DOCK3: variants seen among roughly 807,000 people sequenced by gnomAD.
DOCK3 encodes dedicator of cytokinesis 3.
DOCK3 carries 60 observed loss-of-function variants against 265.6 expected under a neutral mutation model. The observed-to-expected ratio is 0.23, with a 90% CI of 0.18 to 0.28. The LOEUF (loss-of-function observed/expected upper bound fraction) is 0.28, where lower values mean the gene tolerates loss of function less well. DOCK3 is among the 10% of genes least tolerant of loss of function. DOCK3 has a pLI of 1.00. For synonymous variants in DOCK3, 881 were observed against 938.0 expected, an observed-to-expected ratio of 0.94 and a Z score of 1.11; for missense variants, 1,981 against 2,594.3, an observed-to-expected ratio of 0.76 and a Z score of 5.14.
At chr3:50,898,118 T>C (rs2107789015) in intron 4 of DOCK3, among the ~76,000 whole-genome samples, 1 of 135,812 alleles carries the variant, frequency 7.4e-6, no homozygotes, top group Admixed American at 7.8e-5. Flanking sequence ...TGGGCTTTTA[T>C]TGGTTGGTAG....
chr3:51,046,533 G>A (rs2080784322), intron 5 of DOCK3, among the ~76,000 whole-genome samples: 1 of 152,076 alleles, frequency 6.6e-6, no homozygotes, highest in Non-Finnish European at 1.5e-5. Flanking sequence ...AATTTAACAG[G>A]AAGATAGAAC....
chr3:50,708,542 G>A (rs983690518), intron 1 of DOCK3, among the ~76,000 whole-genome samples: 3 of 152,184 alleles, frequency 2.0e-5, no homozygotes, highest in Non-Finnish European at 4.4e-5. Context: ...TTTCAAAATG[G>A]CACTATGCTG....
chr3:51,119,638 A>G (rs1042500940), intron 9 of DOCK3, among the ~76,000 whole-genome samples: 1 of 152,082 alleles, frequency 6.6e-6, no homozygotes, highest in South Asian at 2.1e-4. Flanking sequence ...ACATAGTCCC[A>G]TATTGGAGGC....
intron 3 of DOCK3, among the ~76,000 whole-genome samples, chr3:50,843,423 A>G (rs995750494): frequency 3.9e-5 from 6 of 152,060 alleles, no homozygotes; most frequent in African/African-American, 1.4e-4. Flanking sequence ...CTCTATTTCC[A>G]TGTGGCTTCA....
At chr3:51,020,907 C>G (rs937920692) in intron 5 of DOCK3, among the ~76,000 whole-genome samples, 3 of 151,768 alleles carry the variant, frequency 2.0e-5, no homozygotes, top group African/African-American at 7.3e-5. Flanking sequence ...TAGCATAATG[C>G]CTGCAGCTTT....
intron 5 of DOCK3, among the ~76,000 whole-genome samples, chr3:50,987,329 G>A (rs2077939952): frequency 6.6e-6 from 1 of 152,106 alleles, no homozygotes; most frequent in Non-Finnish European, 1.5e-5. Context: ...TGTATTAATA[G>A]TGGTAGCTGG....
chr3:50,678,761 T>A (rs1368630156), intron 1 of DOCK3, among the ~76,000 whole-genome samples: 3 of 151,790 alleles, frequency 2.0e-5, no homozygotes, highest in Non-Finnish European at 4.4e-5. Flanking sequence ...CCTGCAGCAG[T>A]CTCCCAAGTA....
intron 5 of DOCK3, among the ~76,000 whole-genome samples, chr3:51,017,575 A>G (rs1380790740): frequency 2.0e-5 from 3 of 151,788 alleles, no homozygotes; most frequent in Non-Finnish European, 4.4e-5. Flanking sequence ...GTTTGTTTCA[A>G]GAAAATTTTC....
intron 3 of DOCK3, among the ~76,000 whole-genome samples, chr3:50,847,032 G>A (rs1244336565): frequency 2.0e-5 from 3 of 151,798 alleles, no homozygotes; most frequent in Non-Finnish European, 2.9e-5. Flanking sequence ...TATCTTTGGG[G>A]TTACTTTGTT....
intron 1 of DOCK3, among the ~76,000 whole-genome samples, chr3:50,741,892 C>T (rs1370770967): frequency 6.6e-6 from 1 of 152,168 alleles, no homozygotes; most frequent in African/African-American, 2.4e-5. Flanking sequence ...GTCCCACCAA[C>T]AGTGTAAAAG....
intron 40 of DOCK3, among the ~76,000 whole-genome samples, chr3:51,353,720 G>C (rs1308610237): frequency 6.6e-6 from 1 of 152,226 alleles, no homozygotes; most frequent in African/African-American, 2.4e-5. Context: ...AGAAGATCAG[G>C]GTCTTACAAG....
chr3:50,721,602 T>C (rs1376758683), intron 1 of DOCK3, among the ~76,000 whole-genome samples: 4 of 152,134 alleles, frequency 2.6e-5, no homozygotes, highest in South Asian at 4.1e-4. Context: ...CCTTGTAGTA[T>C]AGTTTGAAGG....
intron 4 of DOCK3, among the ~76,000 whole-genome samples, chr3:50,927,738 C>G (rs2050836747): frequency 6.6e-6 from 1 of 152,066 alleles, no homozygotes; most frequent in South Asian, 2.1e-4. Flanking sequence ...CCCTGTGTTC[C>G]CCAGATGCAG....
intron 4 of DOCK3, among the ~76,000 whole-genome samples, chr3:50,908,010 A>T (rs2049627415): frequency 6.6e-6 from 1 of 152,032 alleles, no homozygotes; most frequent in African/African-American, 2.4e-5. Context: ...ATGGGCATAG[A>T]GATGTTCATA....
intron 5 of DOCK3, among the ~76,000 whole-genome samples, chr3:51,057,644 T>C (rs1432386242): frequency 6.6e-6 from 1 of 152,194 alleles, no homozygotes; most frequent in Non-Finnish European, 1.5e-5. Context: ...GTCACCCAGA[T>C]TGCTCACCTT....
chr3:51,277,890 C>A, intron 26 of DOCK3, 136 bp downstream of exon 26: 3 of 1,508,230 alleles, frequency 2.0e-6, no homozygotes, highest in South Asian at 1.3e-5. Flanking sequence ...ATGCTGCCCT[C>A]TTCCCTTCTT....
intron 38 of DOCK3, among the ~76,000 whole-genome samples, chr3:51,344,971 C>A (rs767092951): frequency 2.0e-5 from 3 of 152,170 alleles, no homozygotes; most frequent in Non-Finnish European, 4.4e-5. Flanking sequence ...GCATTGATCC[C>A]AATGGAGGAG....
chr3:50,944,885 GGGAGGT>G (rs1366379280), intron 5 of DOCK3, among the ~76,000 whole-genome samples: 1 of 152,116 alleles, frequency 6.6e-6, no homozygotes, highest in Non-Finnish European at 1.5e-5. Flanking sequence ...GCTTGAACCT[GGGAGGT>G]GGAGGCTGCA....
chr3:51,246,955 T>G, intron 22 of DOCK3, 148 bp downstream of exon 22: 4 of 790,054 alleles, frequency 5.1e-6, no homozygotes, highest in Non-Finnish European at 7.9e-6. Context: ...ATAATTTCTC[T>G]TTCCTTACCT....
Sources: gnomAD v4.1 joint callset for allele counts (sites outside exome capture counted in the v4.1 genomes callset) on GRCh38, gnomAD v4.1.1 for gene constraint, MANE v1.5 for transcripts, NCBI Gene and HGNC (gene_info 2026-07-23, HGNC 2026-07-21) for gene names.